The following NR1D2 variants were observed in gnomAD, a reference collection of about 807,000 sequenced individuals.
The protein encoded by NR1D2 is nuclear receptor subfamily 1 group D member 2.
Under a neutral mutation model 52.2 loss-of-function variants are expected in NR1D2, and 25 were observed. That is an observed-to-expected ratio of 0.48 (90% CI 0.35 to 0.67). The LOEUF is 0.67. Among genes scored for constraint, NR1D2 ranks in the 30% least tolerant of loss-of-function variants. The pLI, the probability that NR1D2 is intolerant of heterozygous loss-of-function variation, is 0.01. For missense variants in NR1D2, 681 were observed against 707.2 expected (o/e 0.96, Z 0.42); for synonymous variants, 259 against 230.1 (o/e 1.13, Z -1.14).
intron 1 of NR1D2, among the ~76,000 whole-genome samples, chr3:23,950,506 C>T (rs1705895828): frequency 6.6e-6 from 1 of 152,220 alleles, no homozygotes; most frequent in Non-Finnish European, 1.5e-5. Context: ...TGAGGAACTA[C>T]TAGATGTACT....
intron 7 of NR1D2, among the ~76,000 whole-genome samples, chr3:23,976,503 T>G (rs1706727197): frequency 6.6e-6 from 1 of 152,194 alleles, no homozygotes; most frequent in Non-Finnish European, 1.5e-5. Context: ...ATTGAGTTCC[T>G]TGCAAGCTGT....
intron 7 of NR1D2, among the ~76,000 whole-genome samples, chr3:23,974,088 C>CTTTTTTTTTTTTTT (rs60587118): frequency 1.3e-5 from 1 of 79,504 alleles, no homozygotes; most frequent in East Asian, 3.9e-4. Context: ...TTACAGTTAC[C>CTTTTTTTTTTTTTT]TTTTTTTTTT....
chr3:23,971,399 G>C (rs1425008583), intron 7 of NR1D2, among the ~76,000 whole-genome samples: 3 of 145,282 alleles, frequency 2.1e-5, no homozygotes, highest in African/African-American at 7.7e-5. Context: ...CTCCCAAGTA[G>C]CTGGGATTAC....
chr3:23,952,713 G>A (rs1420980922), intron 1 of NR1D2, among the ~76,000 whole-genome samples: 4 of 145,790 alleles, frequency 2.7e-5, no homozygotes, highest in African/African-American at 7.9e-5. Context: ...ACAACAGAGT[G>A]AGACTCCATC....
At chr3:23,951,946 A>G (rs4131403) in intron 1 of NR1D2, among the ~76,000 whole-genome samples, 119,961 of 152,160 alleles carry the variant, frequency 0.79, 47,983 homozygotes, top group African/African-American at 0.91. Flanking sequence ...ATTTTAGAAT[A>G]AATGGTAGAT....
intron 4 of NR1D2, 161 bp downstream of exon 4, chr3:23,959,976 G>A (rs984004578): frequency 5.6e-6 from 3 of 538,384 alleles, no homozygotes; most frequent in Non-Finnish European, 8.8e-6. Context: ...ATTGATTAAA[G>A]TCGTATTTTA....
At chr3:23,975,813 T>G (rs989892320) in intron 7 of NR1D2, among the ~76,000 whole-genome samples, 2 of 152,246 alleles carry the variant, frequency 1.3e-5, no homozygotes, top group African/African-American at 2.4e-5. Context: ...GTTAATCAAA[T>G]TTTTCTTTTT....
At chr3:23,953,312 C>T (rs895187701) in intron 1 of NR1D2, among the ~76,000 whole-genome samples, 20 of 134,250 alleles carry the variant, frequency 1.5e-4, no homozygotes, top group African/African-American at 2.0e-4. Context: ...CACTGCACTC[C>T]GGCCTGGGTG....
In NR1D2 at chr3:23,966,997, C is replaced by T. The variant is rs375119813; in HGVS notation, c.1333-816C>T. Among the ~76,000 whole-genome samples the T allele has an allele frequency of 1.1e-4, 16 of 152,038 alleles. 1 individual carries two copies. In the South Asian group the frequency reaches 1.7e-3, roughly 16 times the overall value. On this transcript the variant is annotated intron_variant, in intron 6 of 7. Transcript: ENST00000312521. ...AGTGAGCTGTGATTGCATCTCCGGC[C>T]TGGGCAACAGAGCAAGACCCTGTCT...
At chr3:23,975,402 G>T (rs1706698182) in intron 7 of NR1D2, among the ~76,000 whole-genome samples, 1 of 152,026 alleles carries the variant, frequency 6.6e-6, no homozygotes, top group Admixed American at 6.6e-5. Flanking sequence ...GGAATTCCAG[G>T]TGTGAGCCAC....
chr3:23,957,502 G>C (rs895460174), intron 3 of NR1D2, among the ~76,000 whole-genome samples: 6 of 147,526 alleles, frequency 4.1e-5, no homozygotes, highest in African/African-American at 1.2e-4. Context: ...GGATCACGAG[G>C]TCAGGAGATC....
rs1345580608 is a variant in NR1D2, at chr3:23,965,159, T to A, written c.1329T>A (p.Phe443Leu). The change falls in exon 6 of 8, where the codon TTT (phenylalanine) becomes TTA (leucine). Residue 443 changes from phenylalanine to leucine, a missense_variant. This residue lies in a region of NR1D2 where 475 missense variants were observed against 454.5 expected (regional missense o/e 1.05). Transcript: ENST00000312521. Reference sequence around the variant, plus strand: ...TCAACCTTTTAAAGGCTGGGACTTTTGAGGTAGGTTTTATTTATCCTGAAT... The same window carrying A: ...TCAACCTTTTAAAGGCTGGGACTTTAGAGGTAGGTTTTATTTATCCTGAAT... Reference protein sequence around the residue: ...DQVNLLKAGTFEVLMVRFASL... With the variant: ...DQVNLLKAGTLEVLMVRFASL... 4.4e-6 allele frequency: 7 copies of A among 1,598,990 alleles called. No homozygotes were observed. Among genetic ancestry groups the A allele is most frequent in the Non-Finnish European group, 6.0e-6 (7 of 1,175,044 alleles).
Position 23,956,073 on chromosome 3 carries a change from G to A in NR1D2, c.320G>A (p.Gly107Glu). The change falls in exon 3 of 8, where the codon GGG becomes GAG. Residue 107 changes from glycine (G) to glutamate (E), a missense_variant. Physicochemically the swap from Gly to Glu is moderately conservative, Grantham distance 98. Around this residue, in one of 3 missense-constraint regions of NR1D2, gnomAD observed 112 missense variants for 162.3 expected, o/e 0.69. Transcript: ENST00000312521. ...SGMVLLCKVCGDVASGFHYGV... is the reference protein window; with the variant it reads ...SGMVLLCKVCEDVASGFHYGV... ...ATGGTTCTACTGTGTAAAGTCTGTG[G>A]GGATGTGGCGTCAGGATTCCACTAT... 1 of 1,614,008 alleles carries A rather than the reference G, an allele frequency of 6.2e-7. No homozygotes were observed. The highest frequency in any genetic ancestry group is 1.1e-5 in the South Asian group (1 of 91,070).
Position 23,958,702 on chromosome 3 carries a change from C to G in NR1D2, c.373-969C>G, listed in dbSNP as rs937065366. ...GTGGCTCGTGCCTGTAATCCTAGCA[C>G]TTTGGGAGGCCAAGGTGGGCGGATC... is the stretch of plus-strand genomic sequence containing the variant. On this transcript the variant is annotated intron_variant, in intron 3 of 7. Coordinates refer to ENST00000312521, the MANE Select transcript of NR1D2 (RefSeq NM_005126.5). 6.2e-5 allele frequency among the ~76,000 whole-genome samples: 9 copies of G among 145,552 alleles called. No homozygotes were observed. In the South Asian group the frequency reaches 2.0e-3, roughly 32 times the overall value.
Position 23,967,975 on chromosome 3 carries a change from A to G in NR1D2, c.1495A>G (p.Ser499Gly). Reference protein sequence around the residue: ...FSEKLNALQLSDEEMSLFTAV... With the variant: ...FSEKLNALQLGDEEMSLFTAV... The stretch of plus-strand genomic sequence containing the variant: ...TGAGAAGCTAAATGCCCTCCAACTT[A>G]GTGATGAAGAGATGAGTTTGTTTAC... The change falls in exon 7 of 8, where the codon AGT becomes GGT. Residue 499 changes from serine to glycine, a missense_variant. By Grantham distance (56) the Ser-to-Gly change is moderately conservative. Coordinates refer to ENST00000312521, the MANE Select transcript of NR1D2 (RefSeq NM_005126.5). 6.2e-7 allele frequency: 1 copy of G among 1,614,158 alleles called. No individual in the cohort carries two copies. Among genetic ancestry groups the G allele is most frequent in the African/African-American group, 1.3e-5 (1 of 75,050 alleles).
chr3:23,974,087 C>CT (rs1328593283), intron 7 of NR1D2, among the ~76,000 whole-genome samples: 6 of 40,172 alleles, frequency 1.5e-4, no homozygotes, highest in South Asian at 2.3e-3. Flanking sequence ...TTTACAGTTA[C>CT]CTTTTTTTTT....
intron 2 of NR1D2, 150 bp from the exon 3 acceptor site, chr3:23,955,887 G>C (rs1367887999): frequency 1.8e-6 from 1 of 555,870 alleles, no homozygotes; most frequent in Non-Finnish European, 3.3e-6. Flanking sequence ...GATTACTTTT[G>C]ATTTGAAAAT....
chr3:23,949,970 G>A (rs567902667), intron 1 of NR1D2, among the ~76,000 whole-genome samples: 1 of 152,314 alleles, frequency 6.6e-6, no homozygotes, highest in African/African-American at 2.4e-5. Context: ...CACTGGGTAA[G>A]CCCTAGCCTG....
intron 7 of NR1D2, among the ~76,000 whole-genome samples, chr3:23,976,726 G>A (rs1706733213): frequency 6.6e-6 from 1 of 152,100 alleles, no homozygotes; most frequent in African/African-American, 2.4e-5. Flanking sequence ...TTTTTCATTA[G>A]AAGTTAGTAA....
Sources: gnomAD v4.1 joint callset for allele counts (sites outside exome capture counted in the v4.1 genomes callset) on GRCh38, gnomAD v4.1.1 for gene constraint, gnomAD v4.1.1 regional missense constraint, MANE v1.5 for transcripts, NCBI Gene and HGNC (gene_info 2026-07-23, HGNC 2026-07-21) for gene names.